The following DMD variants were observed in gnomAD, a reference collection of about 807,000 sequenced individuals.
The protein encoded by DMD is mutant dystrophin.
Under a neutral mutation model 330.1 loss-of-function variants are expected in DMD, and 63 were observed. That is an observed-to-expected ratio of 0.19 (90% confidence interval 0.16 to 0.24). The LOEUF is 0.24. DMD is among the 10% of genes least tolerant of loss of function. DMD has a pLI of 1.00. For missense variants in DMD, 3,344 were observed against 2,684.1 expected (o/e 1.25, Z -5.43); for synonymous variants, 1,223 against 959.8 (o/e 1.27, Z -5.07).
At position 32,555,479 on chromosome X, in the gene DMD, T is replaced by C. The variant is rs145107835; in HGVS notation, c.1993-10145A>G. Among the ~76,000 whole-genome samples, 829 of 111,256 alleles carry C rather than the reference T, an allele frequency of 7.5e-3. 17 individuals are homozygous for C. Among genetic ancestry groups the C allele is most frequent in the Admixed American group, 0.063 (658 of 10,404 alleles). On this transcript the variant is annotated intron_variant, in intron 16 of 78. Coordinates refer to ENST00000357033, the MANE Select transcript of DMD (RefSeq NM_004006.3). Reference sequence around the variant, plus strand: ...GAGAAAGAAATAAAGGGTATTCACATAGGAAGAGAGGAAGTCAAATTATTT... The same window carrying C: ...GAGAAAGAAATAAAGGGTATTCACACAGGAAGAGAGGAAGTCAAATTATTT...
chrX:32,230,421 T>C (rs1456241335), intron 43 of DMD, among the ~76,000 whole-genome samples: 2 of 110,433 alleles, frequency 1.8e-5, no homozygotes, highest in Non-Finnish European at 3.8e-5. Context: ...ATTTTTTGTA[T>C]TTTTTAGTAG....
At chrX:32,744,762 T>C (rs933631801) in intron 7 of DMD, among the ~76,000 whole-genome samples, 7 of 111,777 alleles carry the variant, frequency 6.3e-5, no homozygotes, top group Non-Finnish European at 1.3e-4. Context: ...GCTTTGTCAA[T>C]ACTCTAGGTT....
chrX:32,269,075 G>C (rs1330031535), intron 43 of DMD, among the ~76,000 whole-genome samples: 1 of 111,259 alleles, frequency 9.0e-6, no homozygotes, highest in African/African-American at 3.3e-5. Flanking sequence ...TTCCCGATAA[G>C]ATCGCAGGAG....
At chrX:31,266,957 A>G (rs979205830) in intron 62 of DMD, 8 of 1,072,955 alleles carry the variant, frequency 7.5e-6, no homozygotes, top group African/African-American at 3.9e-5. Flanking sequence ...AGCACTGCGG[A>G]GGAGCCGGCG....
chrX:31,298,496 T>C (rs1167907044), intron 62 of DMD, among the ~76,000 whole-genome samples: 1 of 110,801 alleles, frequency 9.0e-6, no homozygotes, highest in Non-Finnish European at 1.9e-5. Flanking sequence ...TAAGATAATA[T>C]TGTTCTCTAT....
At chrX:32,748,143 G>A (rs1474442027) in intron 7 of DMD, among the ~76,000 whole-genome samples, 1 of 109,986 alleles carries the variant, frequency 9.1e-6, no homozygotes, top group Admixed American at 9.7e-5. Context: ...AGAAGTACGA[G>A]ACCAGCCTGG....
At chrX:32,743,764 G>C (rs995120707) in intron 7 of DMD, among the ~76,000 whole-genome samples, 5 of 111,032 alleles carry the variant, frequency 4.5e-5, no homozygotes, top group Non-Finnish European at 9.4e-5. Flanking sequence ...CCCAAGATAA[G>C]GGCAGGTCTG....
intron 59 of DMD, among the ~76,000 whole-genome samples, chrX:31,477,810 C>T (rs1359498886): frequency 2.7e-5 from 3 of 110,852 alleles, no homozygotes; most frequent in Non-Finnish European, 3.8e-5. Flanking sequence ...CACACACACA[C>T]ACACACACAC....
At chrX:33,299,009 T>C (rs1355751795) in intron 1 of DMD, among the ~76,000 whole-genome samples, 2 of 111,692 alleles carry the variant, frequency 1.8e-5, no homozygotes, top group Non-Finnish European at 1.9e-5. Flanking sequence ...TAACCACAAC[T>C]TCACAGAATA....
At chrX:31,719,621 A>T (rs182814941) in intron 52 of DMD, among the ~76,000 whole-genome samples, 17 of 111,985 alleles carry the variant, frequency 1.5e-4, no homozygotes, top group African/African-American at 4.9e-4. Context: ...AGGATAAAGG[A>T]CATGTACAAG....
intron 4 of DMD, among the ~76,000 whole-genome samples, chrX:32,824,700 C>A (rs1268278780): frequency 8.9e-6 from 1 of 111,777 alleles, no homozygotes; most frequent in Non-Finnish European, 1.9e-5. Context: ...GGTGGATTTA[C>A]AAACCTACAC....
intron 44 of DMD, among the ~76,000 whole-genome samples, chrX:32,083,315 C>T (rs1455889364): frequency 9.2e-6 from 1 of 109,049 alleles, no homozygotes; most frequent in Non-Finnish European, 1.9e-5. Flanking sequence ...GGCTCTGTCG[C>T]CCAGGCTGGA....
At chrX:33,181,342 A>C (rs1364709794) in intron 1 of DMD, among the ~76,000 whole-genome samples, 1 of 102,809 alleles carries the variant, frequency 9.7e-6, no homozygotes, top group Admixed American at 1.1e-4. Flanking sequence ...GCCAGATAAA[A>C]CTATAAAAAA....
intron 60 of DMD, among the ~76,000 whole-genome samples, chrX:31,349,980 A>G (rs149941803): frequency 0.014 from 1,580 of 111,650 alleles, 29 homozygotes; most frequent in African/African-American, 0.049. Context: ...TATATCCAGA[A>G]CAATCTCATT....
At chrX:31,888,297 G>T (rs1009795001) in intron 47 of DMD, among the ~76,000 whole-genome samples, 1 of 111,561 alleles carries the variant, frequency 9.0e-6, no homozygotes, top group Non-Finnish European at 1.9e-5. Flanking sequence ...TTACCTAGTA[G>T]CTATTTTGTT....
chrX:32,238,668 A>G (rs1420455788), intron 43 of DMD, among the ~76,000 whole-genome samples: 1 of 112,120 alleles, frequency 8.9e-6, no homozygotes, highest in Non-Finnish European at 1.9e-5. Context: ...ATAATTTCAT[A>G]TAGGATATGA....
intron 2 of DMD, among the ~76,000 whole-genome samples, chrX:32,856,175 T>A (rs1256451105): frequency 8.9e-6 from 1 of 111,955 alleles, no homozygotes; most frequent in Non-Finnish European, 1.9e-5. Flanking sequence ...CTGATGCGGC[T>A]GTGTGGAAAA....
intron 55 of DMD, among the ~76,000 whole-genome samples, chrX:31,554,535 A>G (rs1317608047): frequency 1.8e-5 from 2 of 111,984 alleles, no homozygotes; most frequent in African/African-American, 6.5e-5. Context: ...TAGGATTTGC[A>G]TAAAAGAAGC....
chrX:32,864,118 T>TA (rs1479432901), intron 2 of DMD, among the ~76,000 whole-genome samples: 1 of 112,453 alleles, frequency 8.9e-6, no homozygotes, highest in Non-Finnish European at 1.9e-5. Context: ...TATTGTCAAA[T>TA]ATTACAATTT....
Sources: gnomAD v4.1 joint callset for allele counts (sites outside exome capture counted in the v4.1 genomes callset) on GRCh38, gnomAD v4.1.1 for gene constraint, MANE v1.5 for transcripts, NCBI Gene and HGNC (gene_info 2026-07-23, HGNC 2026-07-21) for gene names.